Variants in LRRTM4 observed in about 807,000 individuals in gnomAD.
LRRTM4 encodes leucine-rich repeat transmembrane neuronal protein 4.
LRRTM4 carries 25 observed loss-of-function variants against 47.6 expected under a neutral mutation model. The observed-to-expected ratio is 0.53, with a 90% confidence interval of 0.38 to 0.73. The LOEUF is 0.73. LRRTM4 is among the 30% of genes least tolerant of loss of function. LRRTM4 has a pLI of 0.00. For synonymous variants in LRRTM4, 311 were observed against 269.5 expected, an observed-to-expected ratio of 1.15 and a Z score of -1.51; for missense variants, 638 against 713.4, an observed-to-expected ratio of 0.89 and a Z score of 1.20.
At chr2:76,873,415 G>T (rs1672683344) in intron 3 of LRRTM4, among the ~76,000 whole-genome samples, 1 of 149,216 alleles carries the variant, frequency 6.7e-6, no homozygotes, top group Non-Finnish European at 1.5e-5. Context: ...TGTATATAAT[G>T]TGTGTATATG....
intron 3 of LRRTM4, among the ~76,000 whole-genome samples, chr2:77,067,187 CT>C (rs901101342): frequency 6.6e-6 from 1 of 151,958 alleles, no homozygotes; most frequent in East Asian, 1.9e-4. Context: ...CTTAACATCA[CT>C]TTTTTTTCTA....
intron 3 of LRRTM4, among the ~76,000 whole-genome samples, chr2:77,105,312 A>T (rs1671065467): frequency 6.6e-6 from 1 of 152,198 alleles, no homozygotes; most frequent in Non-Finnish European, 1.5e-5. Context: ...AAAAGAATCC[A>T]GTCTATCATT....
chr2:77,127,279 T>C (rs1443560411), intron 3 of LRRTM4, among the ~76,000 whole-genome samples: 2 of 152,212 alleles, frequency 1.3e-5, no homozygotes, highest in African/African-American at 4.8e-5. Flanking sequence ...TTTTAAATAC[T>C]CTGTTACATG....
At chr2:76,844,094 G>A (rs1412363257) in intron 3 of LRRTM4, among the ~76,000 whole-genome samples, 1 of 150,540 alleles carries the variant, frequency 6.6e-6, no homozygotes, top group African/African-American at 2.4e-5. Flanking sequence ...ATAGAGATGG[G>A]GTTTCACCAT....
chr2:76,942,676 C>CTGTGTGTGTGTG (rs61077287), intron 3 of LRRTM4, among the ~76,000 whole-genome samples: 260 of 148,310 alleles, frequency 1.8e-3, no homozygotes, highest in African/African-American at 5.7e-3. Flanking sequence ...CTCTAGGAAT[C>CTGTGTGTGTGTG]TGTGTGTGTG....
intron 3 of LRRTM4, among the ~76,000 whole-genome samples, chr2:77,060,379 G>C (rs934593995): frequency 6.6e-6 from 1 of 151,720 alleles, no homozygotes; most frequent in Admixed American, 6.6e-5. Flanking sequence ...TAAATGAAAA[G>C]AATTCAGATT....
intron 3 of LRRTM4, among the ~76,000 whole-genome samples, chr2:77,458,424 G>A (rs144570747): frequency 6.6e-6 from 1 of 151,794 alleles, no homozygotes; most frequent in South Asian, 2.1e-4. Context: ...CTCTTCATTT[G>A]GAGCCAGTTG....
chr2:77,014,353 ATAGC>A (rs1677979822), intron 3 of LRRTM4, among the ~76,000 whole-genome samples: 1 of 152,088 alleles, frequency 6.6e-6, no homozygotes, highest in Non-Finnish European at 1.5e-5. Context: ...TATAAAAAGA[ATAGC>A]TACTCACTGA....
intron 3 of LRRTM4, among the ~76,000 whole-genome samples, chr2:77,147,506 C>T (rs187923574): frequency 3.9e-5 from 6 of 152,230 alleles, no homozygotes; most frequent in Admixed American, 3.3e-4. Context: ...CGTTTCTGTC[C>T]TATTACCAAG....
chr2:76,847,464 C>G (rs1412929414), intron 3 of LRRTM4, among the ~76,000 whole-genome samples: 1 of 151,986 alleles, frequency 6.6e-6, no homozygotes, highest in Non-Finnish European at 1.5e-5. Flanking sequence ...TCCTCCAACC[C>G]CTTTTCTATA....
chr2:77,362,386 A>G (rs1195266416), intron 3 of LRRTM4, among the ~76,000 whole-genome samples: 1 of 152,254 alleles, frequency 6.6e-6, no homozygotes, highest in African/African-American at 2.4e-5. Context: ...ATATAGAACG[A>G]GATATATTTC....
chr2:77,381,812 A>G (rs1673064262), intron 3 of LRRTM4, among the ~76,000 whole-genome samples: 2 of 152,180 alleles, frequency 1.3e-5, no homozygotes, highest in Middle Eastern at 6.8e-3. Flanking sequence ...ATGTAGATAA[A>G]AAGTATATGA....
rs910309561 is a variant in LRRTM4 at position 76,795,215 on chromosome 2, T to G, written c.1552-46299A>C. ...CGAATCCACAAATAACCAAAGAAAT[T>G]AAATTAATGAAAAGTGTGTTTTGTA... On this transcript the variant is annotated intron_variant, in intron 3 of 3. Transcript: ENST00000409884. Among the ~76,000 whole-genome samples the G allele has an allele frequency of 1.8e-4, 27 of 152,220 alleles. 1 individual carries two copies. Among genetic ancestry groups the G allele is most frequent in the African/African-American group, 6.5e-4 (27 of 41,544 alleles).
chr2:77,435,533 A>G (rs935705556), intron 3 of LRRTM4, among the ~76,000 whole-genome samples: 7 of 152,146 alleles, frequency 4.6e-5, no homozygotes, highest in Non-Finnish European at 8.8e-5. Flanking sequence ...TTAAAAATAA[A>G]CCCAACATTT....
At chr2:77,124,249 A>G (rs1487357798) in intron 3 of LRRTM4, among the ~76,000 whole-genome samples, 2 of 152,158 alleles carry the variant, frequency 1.3e-5, no homozygotes, top group Non-Finnish European at 2.9e-5. Context: ...CGATGAAGAA[A>G]GGAGCAAAGA....
chr2:76,911,937 G>GA (rs1491550037), intron 3 of LRRTM4, among the ~76,000 whole-genome samples: 4 of 8,852 alleles, frequency 4.5e-4, no homozygotes, highest in Admixed American at 1.4e-3. Flanking sequence ...GTGCTTTTTG[G>GA]GGGGGGGGGG....
At chr2:76,927,084 G>C (rs549752140) in intron 3 of LRRTM4, among the ~76,000 whole-genome samples, 1 of 152,144 alleles carries the variant, frequency 6.6e-6, no homozygotes, top group Admixed American at 6.6e-5. Flanking sequence ...TTGGATTTTT[G>C]GTTATTAGCC....
At chr2:77,268,842 G>C (rs940979464) in intron 3 of LRRTM4, among the ~76,000 whole-genome samples, 2 of 152,048 alleles carry the variant, frequency 1.3e-5, no homozygotes, top group African/African-American at 4.8e-5. Flanking sequence ...TCAAAGTGTG[G>C]TTTCTGGACC....
intron 3 of LRRTM4, among the ~76,000 whole-genome samples, chr2:77,212,678 C>A (rs1356608950): frequency 1.3e-5 from 2 of 151,766 alleles, no homozygotes; most frequent in Non-Finnish European, 2.9e-5. Flanking sequence ...AGTTTGAGAA[C>A]TTTAATCTAT....
Sources: allele counts gnomAD v4.1 joint callset (sites outside exome capture counted in the v4.1 genomes callset), GRCh38; gene constraint gnomAD v4.1.1; transcripts MANE v1.5; gene names NCBI Gene and HGNC (gene_info 2026-07-23, HGNC 2026-07-21).